LPIN1: variants seen among roughly 807,000 people sequenced by gnomAD.
LPIN1 encodes the protein phosphatidate phosphatase LPIN1.
LPIN1 carries 71 observed loss-of-function variants against 107.5 expected under a neutral mutation model. The ratio of observed to expected loss-of-function variants is 0.66; its 90% confidence interval spans 0.55 to 0.80. The LOEUF (loss-of-function observed/expected upper bound fraction) is 0.80. Ranked by LOEUF, LPIN1 falls within the 30% of genes least tolerant of loss-of-function variation. The pLI is 0.00. For synonymous variants in LPIN1, 445 were observed against 452.6 expected (o/e 0.98, Z 0.21); for missense variants, 1,043 against 1,160.6 (o/e 0.90, Z 1.47).
intron 1 of LPIN1, among the ~76,000 whole-genome samples, chr2:11,760,286 C>G (rs1241762702): frequency 6.7e-6 from 1 of 150,116 alleles, no homozygotes; most frequent in Non-Finnish European, 1.5e-5. Flanking sequence ...GGGTGGCAGC[C>G]GGGCAGAGGC....
At chr2:11,694,151 A>T (rs1662453847) in intron 1 of LPIN1, among the ~76,000 whole-genome samples, 1 of 152,098 alleles carries the variant, frequency 6.6e-6, no homozygotes, top group Admixed American at 6.5e-5. Context: ...ATATATTTTT[A>T]AAATTTCTGC....
chr2:11,784,772 G>A, intron 9 of LPIN1, 114 bp from the exon 10 acceptor site: 1 of 920,398 alleles, frequency 1.1e-6, no homozygotes, highest in Admixed American at 1.7e-5. Flanking sequence ...GTGCTGAGAT[G>A]CAGCCGTCTG....
intron 1 of LPIN1, among the ~76,000 whole-genome samples, chr2:11,694,322 T>G (rs1171558224): frequency 6.6e-6 from 1 of 152,206 alleles, no homozygotes; most frequent in African/African-American, 2.4e-5. Flanking sequence ...CGAGCCTATC[T>G]GAGAGGCTCA....
intron 1 of LPIN1, among the ~76,000 whole-genome samples, chr2:11,713,390 C>T (rs926412788): frequency 2.0e-5 from 3 of 152,204 alleles, no homozygotes; most frequent in African/African-American, 4.8e-5. Context: ...CCTGCCTCAG[C>T]CTCCTGAATA....
At chr2:11,764,078 G>GTGTGTA (rs1313228035) in intron 1 of LPIN1, 20 of 63,248 alleles carry the variant, frequency 3.2e-4, no homozygotes, top group Non-Finnish European at 4.3e-4. Context: ...GTGTGTGTGT[G>GTGTGTA]TATATATATA....
intron 19 of LPIN1, among the ~76,000 whole-genome samples, chr2:11,820,189 T>C (rs992499810): frequency 6.6e-5 from 10 of 152,208 alleles, no homozygotes; most frequent in Admixed American, 6.5e-4. Context: ...GTAGGTTGTC[T>C]TTTCTTCAAC....
At chr2:11,748,874 A>G (rs1667370041) in intron 1 of LPIN1, among the ~76,000 whole-genome samples, 2 of 152,228 alleles carry the variant, frequency 1.3e-5, no homozygotes, top group South Asian at 4.1e-4. Flanking sequence ...TTTGAGAGAC[A>G]TCCAGGTGTT....
chr2:11,693,822 ATTTTTTTTTTTTTTTTTTT>A (rs34409476), intron 1 of LPIN1, among the ~76,000 whole-genome samples: 1 of 18,986 alleles, frequency 5.3e-5, no homozygotes, highest in African/African-American at 1.6e-4. Context: ...ATATATATAT[ATTTTTTTTTTTTTTTTTTT>A]TTTTTTTTTT....
intron 6 of LPIN1, among the ~76,000 whole-genome samples, chr2:11,778,884 G>A (rs1340323414): frequency 6.6e-6 from 1 of 152,196 alleles, no homozygotes; most frequent in South Asian, 2.1e-4. Context: ...GTTACTGAGC[G>A]AGCCTTAACC....
chr2:11,796,437 C>T (rs1023781764), intron 14 of LPIN1, among the ~76,000 whole-genome samples: 3 of 152,008 alleles, frequency 2.0e-5, no homozygotes, highest in African/African-American at 7.3e-5. Flanking sequence ...CAAACAGAAA[C>T]CCACGTGGGA....
At chr2:11,700,712 A>T (rs1273822625) in intron 1 of LPIN1, among the ~76,000 whole-genome samples, 1 of 152,132 alleles carries the variant, frequency 6.6e-6, no homozygotes, top group Non-Finnish European at 1.5e-5. Flanking sequence ...CAGCATCTTC[A>T]TTTCCAAGCT....
chr2:11,718,258 T>C (rs1663884345), intron 2 of LPIN1, among the ~76,000 whole-genome samples: 1 of 152,118 alleles, frequency 6.6e-6, no homozygotes, highest in Admixed American at 6.5e-5. Context: ...GATGGAGTCT[T>C]GCTCTGTCGC....
chr2:11,785,911 CT>C (rs1224983235), intron 10 of LPIN1, among the ~76,000 whole-genome samples: 1 of 152,220 alleles, frequency 6.6e-6, no homozygotes, highest in African/African-American at 2.4e-5. Context: ...AGATTGTGTG[CT>C]GGGTCCCGCC....
At position 11,765,519 on chromosome 2, in the gene LPIN1, T is replaced by G. The variant is rs768444363; in HGVS notation, c.-9-14T>G. 2.6e-5 allele frequency: 41 copies of G among 1,580,022 alleles called. No individual in the cohort carries two copies. Among genetic ancestry groups the G allele is most frequent in the Admixed American group, 8.6e-5 (5 of 57,922 alleles). ...TTGTGTGTCTGTGTGTGTTTTTTTT[T>G]GTCTGTTTTCCAGGTGCAGACCATG... On this transcript the variant is annotated splice_polypyrimidine_tract_variant and intron_variant, in intron 1 of 20. Transcript: ENST00000674199. This position sits in a 1 kb window ranked among gnomAD's most constrained non-coding sequence, Gnocchi z 4.4.
At chr2:11,807,804 C>T (rs1678972902) in intron 17 of LPIN1, among the ~76,000 whole-genome samples, 1 of 152,162 alleles carries the variant, frequency 6.6e-6, no homozygotes, top group Admixed American at 6.5e-5. Flanking sequence ...GAAAACCCAT[C>T]TTCAGGGCAG....
At chr2:11,814,993 C>A in intron 17 of LPIN1, 95 bp from the exon 18 acceptor site, 4 of 1,187,290 alleles carry the variant, frequency 3.4e-6, no homozygotes, top group Non-Finnish European at 5.0e-6. Context: ...TGAAACAGTG[C>A]CATTCTCCAC....
At chr2:11,814,910 A>T (rs1680309850) in intron 17 of LPIN1, among the ~76,000 whole-genome samples, 178 bp from the exon 18 acceptor site, 2 of 152,330 alleles carry the variant, frequency 1.3e-5, no homozygotes, top group South Asian at 4.1e-4. Context: ...AATTACAGTG[A>T]AATGTATTTA....
chr2:11,818,599 A>G (rs1680989864), intron 18 of LPIN1: 1 of 152,160 alleles, frequency 6.6e-6, no homozygotes. Flanking sequence ...CTTAATGTGC[A>G]TATTTGTTTT....
chr2:11,804,472 C>A lies in LPIN1; in HGVS notation c.2063C>A (p.Thr688Asn). Residue 688 changes from threonine (T) to asparagine (N), a missense_variant, in exon 16 of 21, where the codon ACC becomes AAC. Coordinates refer to ENST00000674199, the MANE Select transcript of LPIN1 (RefSeq NM_001349206.2). ...CCCAACGACGTGGTTTTCAGTGTCA[C>A]CACGCAGTACCAAGGCACGTGCCGC... ...NGPNDVVFSV[T>N]TQYQGTCRCE... The A allele has an allele frequency of 1.2e-6, 2 of 1,614,236 alleles. No homozygotes were observed. Among genetic ancestry groups the A allele is most frequent in the East Asian group, 2.2e-5 (1 of 44,892 alleles).
Sources: gnomAD v4.1 joint callset for allele counts (sites outside exome capture counted in the v4.1 genomes callset) on GRCh38, gnomAD v4.1.1 for gene constraint, Gnocchi (gnomAD v3.1) non-coding constraint, MANE v1.5 for transcripts, NCBI Gene and HGNC (gene_info 2026-07-23, HGNC 2026-07-21) for gene names.